Variants in HNF4A observed in about 807,000 individuals in gnomAD.
HNF4A encodes hepatocyte nuclear factor 4-alpha.
A neutral mutation model predicts 52.4 loss-of-function variants in HNF4A; 15 were observed. That is an observed-to-expected ratio of 0.29 (90% CI 0.19 to 0.44). The LOEUF (loss-of-function observed/expected upper bound fraction) is 0.44. Among genes scored for constraint, HNF4A ranks in the 20% least tolerant of loss-of-function variants. The pLI, the probability that HNF4A is intolerant of heterozygous loss-of-function variation, is 1.00. For missense variants in HNF4A, 479 were observed against 647.2 expected (o/e 0.74, Z 2.82); for synonymous variants, 280 against 264.4 (o/e 1.06, Z -0.57).
chr20:44,424,169 C>G lies in HNF4A; in HGVS notation c.1044C>G (p.Thr348=). 1.2e-6 allele frequency: 2 copies of G among 1,613,984 alleles called. No individual in the cohort carries two copies. Among genetic ancestry groups the G allele is most frequent in the Non-Finnish European group, 1.7e-6 (2 of 1,180,026 alleles). Reference sequence around the variant, plus strand: ...TGCTGCCCACCTTGCAGAGCATCACCTGGCAGATGATCGAGCAGATCCAGT... The same window carrying G: ...TGCTGCCCACCTTGCAGAGCATCACGTGGCAGATGATCGAGCAGATCCAGT... The change falls in exon 8 of 10, where the codon ACC becomes ACG. Residue 348 remains threonine, a synonymous_variant. Coordinates refer to ENST00000316099, the MANE Select transcript of HNF4A (RefSeq NM_000457.6).
chr20:44,368,229 C>CCAT, intron 1 of HNF4A, among the ~76,000 whole-genome samples: 1 of 132,302 alleles, frequency 7.6e-6, no homozygotes, highest in Non-Finnish European at 1.5e-5. Flanking sequence ...TGCGGTGGTA[C>CCAT]CATCTTGGCT....
chr20:44,419,416 G>A (rs1375715722), intron 6 of HNF4A, among the ~76,000 whole-genome samples: 1 of 152,192 alleles, frequency 6.6e-6, no homozygotes, highest in African/African-American at 2.4e-5. Flanking sequence ...CTTTAACCTT[G>A]ATGCTTTGGT....
At chr20:44,390,594 T>G (rs2063290564) in intron 1 of HNF4A, 1 of 701,972 alleles carries the variant, frequency 1.4e-6, no homozygotes, top group African/African-American at 1.7e-5. Flanking sequence ...CCCTCAAGGA[T>G]GAAGAGGTTG....
intron 1 of HNF4A, among the ~76,000 whole-genome samples, chr20:44,358,272 A>G (rs2062880348): frequency 1.3e-5 from 2 of 151,240 alleles, no homozygotes; most frequent in Non-Finnish European, 2.9e-5. Flanking sequence ...AGAAAAGAAA[A>G]ATTTGCTTTC....
intron 6 of HNF4A, among the ~76,000 whole-genome samples, chr20:44,418,871 G>A (rs11574740): frequency 0.063 from 9,590 of 152,224 alleles, 349 homozygotes; most frequent in Admixed American, 0.1. Flanking sequence ...CACCCGCCAC[G>A]TTCAAGCAAT....
At chr20:44,364,893 C>A (rs1480784410) in intron 1 of HNF4A, among the ~76,000 whole-genome samples, 3 of 152,200 alleles carry the variant, frequency 2.0e-5, no homozygotes, top group Non-Finnish European at 4.4e-5. Context: ...CCTAAGGTCA[C>A]CCTAGCCCAG....
chr20:44,421,728 T>A (rs1963710), intron 7 of HNF4A, among the ~76,000 whole-genome samples: 4 of 149,220 alleles, frequency 2.7e-5, no homozygotes, highest in African/African-American at 7.4e-5. Context: ...CACTCCAGCC[T>A]GGGCAACAAG....
intron 1 of HNF4A, among the ~76,000 whole-genome samples, chr20:44,369,294 T>C (rs12480463): frequency 7.5e-6 from 1 of 133,126 alleles, no homozygotes; most frequent in Non-Finnish European, 1.6e-5. Flanking sequence ...CCGGCCACAG[T>C]GGCTCAAAAT....
intron 1 of HNF4A, among the ~76,000 whole-genome samples, chr20:44,369,729 T>G (rs1478655502): frequency 6.6e-6 from 1 of 152,078 alleles, no homozygotes; most frequent in Non-Finnish European, 1.5e-5. Context: ...TGCAGTGGCA[T>G]GATCTTGGCT....
intron 1 of HNF4A, among the ~76,000 whole-genome samples, chr20:44,379,311 T>C (rs2063123569): frequency 6.6e-6 from 1 of 152,102 alleles, no homozygotes; most frequent in Admixed American, 6.6e-5. Context: ...GGGTATATAC[T>C]CGGGAGTACA....
At chr20:44,425,656 CTTTTT>C (rs10657596) in intron 8 of HNF4A, among the ~76,000 whole-genome samples, 1 of 129,474 alleles carries the variant, frequency 7.7e-6, no homozygotes. Context: ...TTCTTTTTTC[CTTTTT>C]TTTTTTTTTT....
At chr20:44,422,862 A>G (rs2063765550) in intron 7 of HNF4A, among the ~76,000 whole-genome samples, 1 of 151,814 alleles carries the variant, frequency 6.6e-6, no homozygotes. Flanking sequence ...TATTATCAGT[A>G]GAGATGGGGT....
intron 3 of HNF4A, among the ~76,000 whole-genome samples, chr20:44,407,685 A>G (rs1290495915): frequency 1.3e-5 from 2 of 149,004 alleles, no homozygotes; most frequent in African/African-American, 5.0e-5. Flanking sequence ...ATAAGCTCCC[A>G]CTCTTGGCTC....
At chr20:44,366,626 G>GA (rs1266997310) in intron 1 of HNF4A, among the ~76,000 whole-genome samples, 2 of 151,214 alleles carry the variant, frequency 1.3e-5, no homozygotes, top group African/African-American at 4.8e-5. Context: ...GTGTCAAAAA[G>GA]AAAAAAACAA....
At chr20:44,371,920 C>G (rs559465871) in intron 1 of HNF4A, among the ~76,000 whole-genome samples, 2 of 152,208 alleles carry the variant, frequency 1.3e-5, no homozygotes, top group Non-Finnish European at 2.9e-5. Flanking sequence ...CCTGGAGCCA[C>G]TTTAGATTCT....
At chr20:44,402,345 C>A (rs1003096402) in intron 1 of HNF4A, among the ~76,000 whole-genome samples, 1 of 152,032 alleles carries the variant, frequency 6.6e-6, no homozygotes, top group Non-Finnish European at 1.5e-5. Context: ...GTTGGAGTGC[C>A]CTGTTCTTCC....
intron 1 of HNF4A, among the ~76,000 whole-genome samples, chr20:44,358,900 AAG>A (rs1033207532): frequency 1.3e-5 from 2 of 152,110 alleles, no homozygotes; most frequent in African/African-American, 2.4e-5. Context: ...CAGGATTCTA[AAG>A]AGCTGCTCTT....
At chr20:44,360,123 C>T (rs1346713778) in intron 1 of HNF4A, among the ~76,000 whole-genome samples, 1 of 152,160 alleles carries the variant, frequency 6.6e-6, no homozygotes, top group Non-Finnish European at 1.5e-5. Flanking sequence ...TCCAGCCTTC[C>T]ACAGGGCCTG....
rs1203725212 is a variant in HNF4A, at chr20:44,387,695, G to T, written c.50-18363G>T. Among the ~76,000 whole-genome samples the T allele has an allele frequency of 3.7e-5, 4 of 109,008 alleles. No individual in the cohort carries two copies. The South Asian group carries it at 1.3e-3, about 36-fold the overall frequency. The allele number at this position is 109,008 out of a possible 152,430, so 71.5% of individuals were successfully genotyped here. The stretch of plus-strand genomic sequence containing the variant: ...GCGGGGGGGGCGGTGGAGCGGGGGA[G>T]ATCCCCTCCCCAACCCTGGCAGGTT... On this transcript the variant is annotated intron_variant, in intron 1 of 9. Coordinates refer to the HNF4A transcript ENST00000316673.
Sources: allele counts gnomAD v4.1 joint callset (sites outside exome capture counted in the v4.1 genomes callset), GRCh38; gene constraint gnomAD v4.1.1; transcripts MANE v1.5; gene names NCBI Gene and HGNC (gene_info 2026-07-23, HGNC 2026-07-21).